DOK5: variants seen among roughly 807,000 people sequenced by gnomAD.
DOK5 encodes docking protein 5.
Under a neutral mutation model 43.3 loss-of-function variants are expected in DOK5, and 27 were observed. The ratio of observed to expected loss-of-function variants is 0.62; its 90% CI spans 0.46 to 0.86. DOK5 has a LOEUF of 0.86. DOK5 is among the 40% of genes least tolerant of loss of function. The pLI is 0.00. For synonymous variants in DOK5, 146 were observed against 140.1 expected (o/e 1.04, Z -0.30); for missense variants, 373 against 392.9 (o/e 0.95, Z 0.43).
chr20:54,570,104 T>C (rs1465298894), intron 2 of DOK5, among the ~76,000 whole-genome samples: 1 of 152,182 alleles, frequency 6.6e-6, no homozygotes, highest in Non-Finnish European at 1.5e-5. Context: ...GCCATTGGTA[T>C]TTTTTTAGAA....
intron 1 of DOK5, among the ~76,000 whole-genome samples, chr20:54,479,596 C>T (rs1016367604): frequency 6.6e-6 from 1 of 152,190 alleles, no homozygotes; most frequent in Non-Finnish European, 1.5e-5. Context: ...GGCTTGCCCA[C>T]AGTGCAAGTT....
chr20:54,574,772 G>A (rs1395696046), intron 2 of DOK5, among the ~76,000 whole-genome samples: 1 of 152,200 alleles, frequency 6.6e-6, no homozygotes, highest in African/African-American at 2.4e-5. Context: ...TAAAAAAATA[G>A]TATTTTGATG....
chr20:54,495,449 C>A (rs1013932096), intron 1 of DOK5, among the ~76,000 whole-genome samples: 1 of 152,164 alleles, frequency 6.6e-6, no homozygotes, highest in African/African-American at 2.4e-5. Flanking sequence ...AAGTAGCCTA[C>A]TGACTGAGGG....
intron 6 of DOK5, among the ~76,000 whole-genome samples, chr20:54,639,124 C>A (rs1446253783): frequency 2.0e-5 from 3 of 152,194 alleles, no homozygotes; most frequent in Admixed American, 2.0e-4. Context: ...TAACCTTAAG[C>A]TGGATAGGAA....
At chr20:54,518,118 ATTTTCTT>A (rs1473867008) in intron 1 of DOK5, among the ~76,000 whole-genome samples, 5 of 151,486 alleles carry the variant, frequency 3.3e-5, no homozygotes, top group South Asian at 4.2e-4. Context: ...CATAATCCCT[ATTTTCTT>A]TTTTCTTTTT....
At chr20:54,481,863 C>G (rs1305988508) in intron 1 of DOK5, among the ~76,000 whole-genome samples, 1 of 152,178 alleles carries the variant, frequency 6.6e-6, no homozygotes, top group Non-Finnish European at 1.5e-5. Context: ...ACTCTTACTA[C>G]TCACCTAATA....
At chr20:54,547,721 C>CAACA (rs1984395967) in intron 1 of DOK5, among the ~76,000 whole-genome samples, 2 of 152,250 alleles carry the variant, frequency 1.3e-5, no homozygotes, top group African/African-American at 4.8e-5. Flanking sequence ...TCACCACCAC[C>CAACA]AACAACAAAG....
At chr20:54,499,356 G>A (rs191908381) in intron 1 of DOK5, among the ~76,000 whole-genome samples, 1 of 152,332 alleles carries the variant, frequency 6.6e-6, no homozygotes, top group African/African-American at 2.4e-5. Flanking sequence ...GTTACAGACA[G>A]GGTAAAGGAT....
At chr20:54,614,191 A>C (rs1986734345) in intron 6 of DOK5, among the ~76,000 whole-genome samples, 1 of 152,134 alleles carries the variant, frequency 6.6e-6, no homozygotes, top group South Asian at 2.1e-4. Flanking sequence ...AAGTCTGAGA[A>C]TGCTTTTAAG....
At position 54,610,532 on chromosome 20, in the gene DOK5, G is replaced by T; in HGVS notation, c.735+9G>T. 1 of 1,476,548 alleles carries T rather than the reference G, an allele frequency of 6.8e-7. No individual in the cohort carries two copies. The allele number at this position is 1,476,548 out of a possible 1,614,324, so 91.5% of individuals were successfully genotyped here. A position where few individuals can be genotyped will look rare whatever the true frequency, so the allele number is the denominator to read the frequency against. On this transcript the variant is annotated intron_variant, in intron 6 of 7. Transcript: ENST00000262593. ...GTGTGAAAAACTCGATGGTACGTTT[G>T]GAATTTCTTCCTCGTGTCCCAGTGC... is the stretch of plus-strand genomic sequence containing the variant.
chr20:54,614,076 A>G (rs1369428870), intron 6 of DOK5, among the ~76,000 whole-genome samples: 1 of 151,212 alleles, frequency 6.6e-6, no homozygotes, highest in African/African-American at 2.4e-5. Context: ...TTATATGTAT[A>G]CATAAAACAA....
At chr20:54,648,895 T>C (rs1269299344) in intron 7 of DOK5, among the ~76,000 whole-genome samples, 7 of 152,194 alleles carry the variant, frequency 4.6e-5, no homozygotes. Flanking sequence ...AAAGTTATCA[T>C]CTCAGCAATC....
intron 6 of DOK5, among the ~76,000 whole-genome samples, chr20:54,636,527 C>T (rs1020188243): frequency 2.6e-5 from 4 of 152,174 alleles, no homozygotes; most frequent in African/African-American, 4.8e-5. Flanking sequence ...CTCAACTAGT[C>T]CTGTGGTCCC....
At position 54,565,398 on chromosome 20, in the gene DOK5, C is replaced by T. The variant is rs181996843; in HGVS notation, c.174+10358C>T. Among the ~76,000 whole-genome samples the T allele has an allele frequency of 6.9e-4, 105 of 152,258 alleles. 1 individual carries two copies. The highest frequency in any genetic ancestry group is 2.4e-3 in the African/African-American group (101 of 41,544). ...TCAGACCACAGCTGACTGTGGGTAA[C>T]CTGAAGCCTCTGAAACAGAAACTAT... On this transcript the variant is annotated intron_variant, in intron 2 of 7. Transcript: ENST00000262593.
intron 6 of DOK5, among the ~76,000 whole-genome samples, chr20:54,628,076 T>C (rs972022050): frequency 1.3e-5 from 2 of 152,200 alleles, no homozygotes; most frequent in African/African-American, 4.8e-5. Flanking sequence ...TCAGGCATAC[T>C]TTTCTACTTG....
At chr20:54,604,002 A>T (rs1470343358) in intron 5 of DOK5, among the ~76,000 whole-genome samples, 3 of 128,098 alleles carry the variant, frequency 2.3e-5, no homozygotes, top group African/African-American at 3.2e-5. Context: ...GCTGGAGTGC[A>T]GTGGCGCGAT....
chr20:54,484,269 C>T (rs1013691083), intron 1 of DOK5, among the ~76,000 whole-genome samples: 9 of 152,008 alleles, frequency 5.9e-5, no homozygotes, highest in African/African-American at 2.2e-4. Flanking sequence ...ATCCCAGCTA[C>T]TCAGGGGGCC....
In DOK5 at chr20:54,588,805, TG is replaced by T. The variant is rs1305324370; in HGVS notation, c.409+1del. On this transcript the variant is annotated frameshift_variant and splice_region_variant, in exon 4 of 8. Coordinates refer to ENST00000262593, the MANE Select transcript of DOK5 (RefSeq NM_018431.5). LOFTEE classifies it high-confidence loss of function. The part of the protein sequence containing the change: ...LATGVEREQS[E>X]RFNVYLMPSP... ...CCACTGGGGTTGAGAGAGAACAGAGTGGTATGTAAAGAAAATTCTCTCCTCT... is the reference window on the plus strand; with the variant it reads ...CCACTGGGGTTGAGAGAGAACAGAGTGTATGTAAAGAAAATTCTCTCCTCT... 1 of 1,613,128 alleles carries T rather than the reference TG, an allele frequency of 6.2e-7. No individual in the cohort carries two copies. The highest frequency in any genetic ancestry group is 1.3e-5 in the African/African-American group (1 of 74,850).
chr20:54,505,863 A>G (rs575055594), intron 1 of DOK5, among the ~76,000 whole-genome samples: 19 of 152,264 alleles, frequency 1.2e-4, no homozygotes, highest in Middle Eastern at 3.4e-3. Context: ...AGGCCAGTGT[A>G]CTCAAAGCCC....
Sources: gnomAD v4.1 joint callset for allele counts (sites outside exome capture counted in the v4.1 genomes callset) on GRCh38, gnomAD v4.1.1 for gene constraint, MANE v1.5 for transcripts, NCBI Gene and HGNC (gene_info 2026-07-23, HGNC 2026-07-21) for gene names.